The following PLA2G4E variants were observed in gnomAD, a reference collection of about 807,000 sequenced individuals.
PLA2G4E encodes phospholipase A2 group IVE, also known as cytosolic phospholipase A2 epsilon.
Under a neutral mutation model 109.1 loss-of-function variants are expected in PLA2G4E, and 84 were observed. The observed-to-expected ratio is 0.77, with a 90% confidence interval of 0.65 to 0.92. PLA2G4E has a LOEUF of 0.92. Ranked by LOEUF, PLA2G4E falls within the 40% of genes least tolerant of loss-of-function variation. The probability of loss-of-function intolerance (pLI) is 0.00; values close to 1 mark genes in which losing one functional copy is unlikely to be tolerated. For missense variants in PLA2G4E, 1,057 were observed against 1,076.6 expected (o/e 0.98, Z 0.25); for synonymous variants, 469 against 436.1 (o/e 1.08, Z -0.94).
intron 13 of PLA2G4E, among the ~76,000 whole-genome samples, chr15:41,991,195 G>A (rs372508862): frequency 3.1e-4 from 47 of 152,240 alleles, no homozygotes; most frequent in East Asian, 1.7e-3. Flanking sequence ...TGGCCAGAGC[G>A]CAAGAGCAGA....
At chr15:42,040,821 G>A (rs1889302518) in intron 1 of PLA2G4E, among the ~76,000 whole-genome samples, 1 of 152,190 alleles carries the variant, frequency 6.6e-6, no homozygotes, top group Admixed American at 6.5e-5. Flanking sequence ...CAGATACTCT[G>A]ATGTAATTGG....
Position 41,990,114 on chromosome 15 carries a change from G to C in PLA2G4E, c.1585+7C>G. The C allele has an allele frequency of 6.2e-7, 1 of 1,610,348 alleles. No homozygotes were observed. On this transcript the variant is annotated splice_region_variant and intron_variant, in intron 14 of 19. Transcript: ENST00000399518. ...CCCACTTGTAAATCACCAGCCACTG[G>C]TGTTACCTCTGAAGTCCTGGTTGCT...
intron 14 of PLA2G4E, 121 bp downstream of exon 14, chr15:41,990,000 T>C: frequency 1.3e-6 from 1 of 787,178 alleles, no homozygotes; most frequent in Non-Finnish European, 2.2e-6. Flanking sequence ...GTGTGCACAG[T>C]CTGGATGTAG....
chr15:42,026,695 G>C (rs760984016), intron 1 of PLA2G4E, among the ~76,000 whole-genome samples: 11 of 152,112 alleles, frequency 7.2e-5, no homozygotes, highest in Non-Finnish European at 1.0e-4. Flanking sequence ...TATGAGGGTC[G>C]GGTGTGGTAG....
chr15:42,031,079 C>A (rs1889102966), intron 1 of PLA2G4E, among the ~76,000 whole-genome samples: 1 of 152,126 alleles, frequency 6.6e-6, no homozygotes, highest in Non-Finnish European at 1.5e-5. Flanking sequence ...GTGATCCTCT[C>A]ACTTCAGCCT....
intron 1 of PLA2G4E, among the ~76,000 whole-genome samples, chr15:42,044,856 AG>A (rs1736391533): frequency 1.3e-5 from 2 of 152,106 alleles, no homozygotes; most frequent in South Asian, 4.2e-4. Flanking sequence ...TGGGCAGGAC[AG>A]GGACAGGAAG....
At position 42,006,225 on chromosome 15, in the gene PLA2G4E, G is replaced by A. The variant is rs1219277689; in HGVS notation, c.394-104C>T. On this transcript the variant is annotated intron_variant, in intron 3 of 19. Transcript: ENST00000399518. Reference sequence around the variant, plus strand: ...TCCTAGCAAGGAGGTAGGTCTGGGGGATGGGAGACAGCCCAGAAGTCCCTG... The same window carrying A: ...TCCTAGCAAGGAGGTAGGTCTGGGGAATGGGAGACAGCCCAGAAGTCCCTG... 3.5e-6 allele frequency: 5 copies of A among 1,435,332 alleles called. No individual in the cohort carries two copies. The African/African-American group carries it at 7.1e-5, about 20-fold the overall frequency. The allele number at this position is 1,435,332 out of a possible 1,614,324, so 88.9% of individuals were successfully genotyped here.
At chr15:42,025,099 G>A (rs2068681871) in intron 1 of PLA2G4E, among the ~76,000 whole-genome samples, 1 of 151,828 alleles carries the variant, frequency 6.6e-6, no homozygotes, top group Admixed American at 6.6e-5. Context: ...AGGAGGCTGA[G>A]GCAGGAGAAT....
exon 20 of PLA2G4E, chr15:41,983,951 G>C (rs371365590): frequency 1.2e-6 from 2 of 1,609,326 alleles, no homozygotes; most frequent in African/African-American, 2.7e-5. Context: ...CCCTGCTCCA[G>C]CTCCTCAGGG....
chr15:42,041,946 T>C (rs1322272747), intron 1 of PLA2G4E, among the ~76,000 whole-genome samples: 1 of 152,198 alleles, frequency 6.6e-6, no homozygotes, highest in Non-Finnish European at 1.5e-5. Flanking sequence ...GTCTGTCTCA[T>C]GGACGGGGAC....
Position 41,985,763 on chromosome 15 carries a change from G to T in PLA2G4E, c.2202+76C>A, listed in dbSNP as rs1043398025. 7 of 1,495,160 alleles carry T rather than the reference G, an allele frequency of 4.7e-6. No homozygotes were observed. The East Asian group carries it at 1.7e-4, about 37-fold the overall frequency. 92.6% of individuals were successfully genotyped at this position (1,495,160 alleles called of 1,614,324 possible). ...AGCATGCCTCTTCCCAGTTCACAGC[G>T]AGTGAGGCCACTGACTGCGGGGCCC... On this transcript the variant is annotated intron_variant, in intron 18 of 19. Transcript: ENST00000399518.
At chr15:41,986,039 T>C (rs1409081168) in intron 17 of PLA2G4E, 34 bp from the exon 18 acceptor site, 1 of 1,560,460 alleles carries the variant, frequency 6.4e-7, no homozygotes. Flanking sequence ...CCAACACACC[T>C]GGTGCCCTGA....
At position 42,010,140 on chromosome 15, in the gene PLA2G4E, A is replaced by ACGC. The variant is rs1721159120; in HGVS notation, c.257-2276_257-2275insGCG. The ACGC allele has an allele frequency of 3.2e-5, 13 of 411,834 alleles. 1 individual carries two copies. The highest frequency in any genetic ancestry group is 6.3e-5 in the Non-Finnish European group (13 of 207,492). 25.5% of individuals were successfully genotyped at this position (411,834 alleles called of 1,614,324 possible). The stretch of plus-strand genomic sequence containing the variant: ...GCTTTTCCAGAACACTGGCCCCCCC[A>ACGC]CCCCGGGCCTGGACCACACCCTTCA... On this transcript the variant is annotated intron_variant, in intron 2 of 19. Coordinates refer to ENST00000399518, the Ensembl canonical transcript of PLA2G4E.
At position 41,985,736 on chromosome 15, in the gene PLA2G4E, A is replaced by G. The variant is rs544269356; in HGVS notation, c.2202+103T>C. ...CTCTGATGCTCTCTGGGGGCTGTCT[A>G]GAGCATGCCTCTTCCCAGTTCACAG... On this transcript the variant is annotated intron_variant, in intron 18 of 19. Transcript: ENST00000399518. 205 of 1,390,102 alleles carry G rather than the reference A, an allele frequency of 1.5e-4. 1 individual carries two copies. The highest frequency in any genetic ancestry group is 2.0e-4 in the Non-Finnish European group (199 of 1,014,048). 86.1% of individuals were successfully genotyped at this position (1,390,102 alleles called of 1,614,324 possible).
chr15:42,017,647 C>T (rs2068609207), intron 1 of PLA2G4E, among the ~76,000 whole-genome samples: 1 of 152,178 alleles, frequency 6.6e-6, no homozygotes. Flanking sequence ...AACAGGAAGA[C>T]AAATGTTGCT....
intron 18 of PLA2G4E, 84 bp from the exon 19 acceptor site, chr15:41,984,703 G>A: frequency 7.9e-7 from 1 of 1,269,538 alleles, no homozygotes; most frequent in Non-Finnish European, 1.1e-6. Context: ...CCAGCTTCCT[G>A]ATTTCCCCAG....
chr15:42,004,779 G>A (rs929601699), intron 5 of PLA2G4E, among the ~76,000 whole-genome samples, 159 bp downstream of exon 5: 13 of 152,198 alleles, frequency 8.5e-5, no homozygotes, highest in Non-Finnish European at 1.8e-4. Context: ...GAAGCTCCTG[G>A]GTGATTCTGA....
At chr15:42,035,627 G>A (rs1368633191) in intron 1 of PLA2G4E, among the ~76,000 whole-genome samples, 1 of 152,150 alleles carries the variant, frequency 6.6e-6, no homozygotes, top group East Asian at 1.9e-4. Context: ...TTGCAGATGG[G>A]CTCGGCACTT....
chr15:41,983,872 A>G (rs1180803570), exon 20 of PLA2G4E: 2 of 1,613,358 alleles, frequency 1.2e-6, no homozygotes, highest in Non-Finnish European at 1.7e-6. Context: ...CAGCTTGTCA[A>G]AGGTGGCCTC....
Sources: allele counts gnomAD v4.1 joint callset (sites outside exome capture counted in the v4.1 genomes callset), GRCh38; gene constraint gnomAD v4.1.1; transcripts MANE v1.5; gene names NCBI Gene and HGNC (gene_info 2026-07-23, HGNC 2026-07-21).